The following BCAS3 variants were observed in gnomAD, a reference collection of about 807,000 sequenced individuals.
The protein encoded by BCAS3 is BCAS4/BCAS3 fusion.
BCAS3 carries 53 observed loss-of-function variants against 116.1 expected under a neutral mutation model. The observed-to-expected ratio is 0.46, with a 90% CI of 0.37 to 0.57. BCAS3 has a LOEUF of 0.57. Ranked by LOEUF, BCAS3 falls within the 20% of genes least tolerant of loss-of-function variation. The probability of loss-of-function intolerance (pLI) is 0.00; values close to 1 mark genes in which losing one functional copy is unlikely to be tolerated. For missense variants in BCAS3, 917 were observed against 1,165.4 expected (o/e 0.79, Z 3.10); for synonymous variants, 391 against 408.2 (o/e 0.96, Z 0.51).
chr17:60,945,773 G>A (rs570273381), intron 13 of BCAS3, among the ~76,000 whole-genome samples: 44 of 150,800 alleles, frequency 2.9e-4, no homozygotes, highest in African/African-American at 1.0e-3. Flanking sequence ...TGCACTCCAG[G>A]CTGGGTGACA....
In BCAS3 at chr17:61,131,512, ATAAT is replaced by A. The variant is rs1406433505; in HGVS notation, c.2425+46952_2425+46955del. On this transcript the variant is annotated intron_variant, in intron 22 of 23. Transcript: ENST00000407086. This position sits in a 1 kb window ranked among gnomAD's most constrained non-coding sequence, Gnocchi z 4.4. Reference sequence around the variant, plus strand: ...TAAAATGAAATTATATTCCAAACTCATAATTAAGTATGAACAATTTGCATTTGAG... The same window carrying A: ...TAAAATGAAATTATATTCCAAACTCATAAGTATGAACAATTTGCATTTGAG... Among the ~76,000 whole-genome samples the A allele has an allele frequency of 6.6e-6, 1 of 152,260 alleles. No individual in the cohort carries two copies. The highest frequency in any genetic ancestry group is 2.4e-5 in the African/African-American group (1 of 41,474).
chr17:61,121,975 G>T (rs2075816069), intron 22 of BCAS3, among the ~76,000 whole-genome samples: 1 of 152,138 alleles, frequency 6.6e-6, no homozygotes, highest in Non-Finnish European at 1.5e-5. Flanking sequence ...TGATCCACCC[G>T]CCTCATCCTC....
At chr17:61,143,738 G>A (rs1013196625) in intron 22 of BCAS3, among the ~76,000 whole-genome samples, 4 of 152,242 alleles carry the variant, frequency 2.6e-5, no homozygotes, top group African/African-American at 9.6e-5. Context: ...AAACCTGGGA[G>A]GCAGAGGCTG....
At chr17:60,913,846 AT>A (rs1238314407) in intron 12 of BCAS3, among the ~76,000 whole-genome samples, 1 of 152,088 alleles carries the variant, frequency 6.6e-6, no homozygotes, top group Non-Finnish European at 1.5e-5. Flanking sequence ...GAAGAAATGG[AT>A]TTGATTGACT....
At position 61,368,622 on chromosome 17, in the gene BCAS3, T is replaced by A; in HGVS notation, c.2593+128T>A. 9.1e-7 allele frequency: 1 copy of A among 1,104,764 alleles called. No individual in the cohort carries two copies. Among genetic ancestry groups the A allele is most frequent in the Non-Finnish European group, 1.3e-6 (1 of 793,022 alleles). The allele number at this position is 1,104,764 out of a possible 1,614,324, so 68.4% of individuals were successfully genotyped here. A position where few individuals can be genotyped will look rare whatever the true frequency, so the allele number is the denominator to read the frequency against. On this transcript the variant is annotated intron_variant, in intron 23 of 23. Transcript: ENST00000407086. The surrounding 1 kb of genome is among the most constrained non-coding windows in gnomAD (Gnocchi z 6.0). The stretch of plus-strand genomic sequence containing the variant: ...TTGGTTTCTTTAGTTAGCACTCCAG[T>A]GGCTATCCGTCTGAGGAGCTCTGGT...
At chr17:61,195,626 C>T (rs2080434844) in intron 22 of BCAS3, among the ~76,000 whole-genome samples, 1 of 152,022 alleles carries the variant, frequency 6.6e-6, no homozygotes, top group South Asian at 2.1e-4. Flanking sequence ...ATCCGCCCAC[C>T]TTGGCTTCCC....
rs993530478 is a variant in BCAS3 at position 61,316,320 on chromosome 17, T to A, written c.2426-52007T>A. ...GACTCCATCTCAATAATAATAATAT[T>A]AATAGTAATATAGCAGGTACTTAGT... On this transcript the variant is annotated intron_variant, in intron 22 of 23. Transcript: ENST00000407086. The surrounding 1 kb of genome is among the most constrained non-coding windows in gnomAD (Gnocchi z 5.8). Among the ~76,000 whole-genome samples, 1 of 151,940 alleles carries A rather than the reference T, an allele frequency of 6.6e-6. No homozygotes were observed. Among genetic ancestry groups the A allele is most frequent in the Admixed American group, 6.6e-5 (1 of 15,236 alleles).
At position 60,990,311 on chromosome 17, in the gene BCAS3, C is replaced by A; in HGVS notation, c.1486+76C>A. On this transcript the variant is annotated intron_variant, in intron 15 of 23. Coordinates refer to ENST00000407086, the MANE Select transcript of BCAS3 (RefSeq NM_017679.5). This position sits in a 1 kb window ranked among gnomAD's most constrained non-coding sequence, Gnocchi z 5.1. ...TTATTTTTACAGATCTGGGATAAAA[C>A]TAAACTTGTTATAGTCTGTTCATGT... 6.8e-7 allele frequency: 1 copy of A among 1,480,364 alleles called. No homozygotes were observed. The highest frequency in any genetic ancestry group is 9.2e-7 in the Non-Finnish European group (1 of 1,083,784). The allele number at this position is 1,480,364 out of a possible 1,614,324, so 91.7% of individuals were successfully genotyped here.
At chr17:60,824,048 A>G (rs961225005) in intron 7 of BCAS3, among the ~76,000 whole-genome samples, 1 of 152,212 alleles carries the variant, frequency 6.6e-6, no homozygotes, top group African/African-American at 2.4e-5. Context: ...CACTTTGACT[A>G]CTATAATAAA....
intron 22 of BCAS3, among the ~76,000 whole-genome samples, chr17:61,168,709 T>G (rs2078663500): frequency 6.6e-6 from 1 of 152,226 alleles, no homozygotes; most frequent in African/African-American, 2.4e-5. Flanking sequence ...TGCTGCAAGA[T>G]CTGAGTCAGC....
intron 4 of BCAS3, among the ~76,000 whole-genome samples, chr17:60,704,059 A>C (rs922886080): frequency 1.3e-5 from 2 of 152,224 alleles, no homozygotes; most frequent in Non-Finnish European, 2.9e-5. Context: ...TAATGCCAGA[A>C]AAGGGTGGTT....
rs923795324 is a variant in BCAS3 at position 61,023,608 on chromosome 17, T to C, written c.1637+7707T>C. On this transcript the variant is annotated intron_variant, in intron 16 of 23. Coordinates refer to ENST00000407086, the MANE Select transcript of BCAS3 (RefSeq NM_017679.5). This position sits in a 1 kb window ranked among gnomAD's most constrained non-coding sequence, Gnocchi z 4.8. ...TTTACCTTGTTTTCAGCTAGTAAGA[T>C]TGAAGACTTTGTGGCACCATGTGGC... Among the ~76,000 whole-genome samples, 15 of 152,168 alleles carry C rather than the reference T, an allele frequency of 9.9e-5. No individual in the cohort carries two copies. Among genetic ancestry groups the C allele is most frequent in the African/African-American group, 3.4e-4 (14 of 41,450 alleles).
At chr17:61,294,675 C>T (rs1602478969) in intron 22 of BCAS3, among the ~76,000 whole-genome samples, 1 of 152,178 alleles carries the variant, frequency 6.6e-6, no homozygotes, top group South Asian at 2.1e-4. Flanking sequence ...TCTTCTGTTT[C>T]ATCTCTTCTG....
At chr17:61,236,021 C>T (rs1018676839) in intron 22 of BCAS3, among the ~76,000 whole-genome samples, 1 of 152,280 alleles carries the variant, frequency 6.6e-6, no homozygotes, top group African/African-American at 2.4e-5. Context: ...AACTTGGTGC[C>T]TTGTGAGCTT....
chr17:60,784,976 A>C (rs1272766568), intron 6 of BCAS3, among the ~76,000 whole-genome samples: 1 of 151,864 alleles, frequency 6.6e-6, no homozygotes, highest in East Asian at 2.0e-4. Context: ...AGGCGCCTGT[A>C]ATCCCAGCTG....
At chr17:60,680,725 T>G (rs993120521) in intron 2 of BCAS3, among the ~76,000 whole-genome samples, 1 of 151,784 alleles carries the variant, frequency 6.6e-6, no homozygotes, top group Admixed American at 6.6e-5. Context: ...AGCCTCCACC[T>G]CCTCCTCTGT....
At chr17:60,835,308 A>G (rs1171671113) in intron 7 of BCAS3, among the ~76,000 whole-genome samples, 2 of 151,992 alleles carry the variant, frequency 1.3e-5, no homozygotes, top group Non-Finnish European at 2.9e-5. Flanking sequence ...CAGTTATGCT[A>G]TTATTATGGC....
intron 19 of BCAS3, among the ~76,000 whole-genome samples, chr17:61,071,010 C>G (rs1255983743): frequency 1.3e-5 from 2 of 152,284 alleles, no homozygotes; most frequent in Non-Finnish European, 2.9e-5. Context: ...CATTTTAGAT[C>G]TGTCCCTTTA....
At chr17:61,025,081 AT>A in intron 16 of BCAS3, among the ~76,000 whole-genome samples, 1 of 152,116 alleles carries the variant, frequency 6.6e-6, no homozygotes, top group Non-Finnish European at 1.5e-5. Flanking sequence ...TTTTAGAGGT[AT>A]TTGTAGGCAT....
Sources: gnomAD v4.1 joint callset for allele counts (sites outside exome capture counted in the v4.1 genomes callset) on GRCh38, gnomAD v4.1.1 for gene constraint, Gnocchi (gnomAD v3.1) non-coding constraint, MANE v1.5 for transcripts, NCBI Gene and HGNC (gene_info 2026-07-23, HGNC 2026-07-21) for gene names.